The following BMP5 variants were observed in gnomAD, a reference collection of about 807,000 sequenced individuals.
BMP5 encodes the protein bone morphogenetic protein 5.
A neutral mutation model predicts 46.6 loss-of-function variants in BMP5; 23 were observed. The observed-to-expected ratio is 0.49, with a 90% CI of 0.35 to 0.70. The LOEUF is 0.70. Ranked by LOEUF, BMP5 falls within the 30% of genes least tolerant of loss-of-function variation. The pLI, the probability that BMP5 is intolerant of heterozygous loss-of-function variation, is 0.00. For synonymous variants in BMP5, 204 were observed against 191.9 expected (o/e 1.06, Z -0.52); for missense variants, 545 against 565.6 (o/e 0.96, Z 0.37).
intron 2 of BMP5, 98 bp from the exon 3 acceptor site, chr6:55,794,525 T>C: frequency 8.5e-7 from 1 of 1,169,670 alleles, no homozygotes. Flanking sequence ...GTTTGTAAAA[T>C]AACAGCAGTT....
intron 1 of BMP5, among the ~76,000 whole-genome samples, chr6:55,867,404 C>G (rs1262822489): frequency 6.6e-6 from 1 of 152,148 alleles, no homozygotes; most frequent in South Asian, 2.1e-4. Flanking sequence ...CAAAACAAAA[C>G]AAAACCTCTG....
At chr6:55,777,441 C>T (rs1775204077) in intron 3 of BMP5, among the ~76,000 whole-genome samples, 2 of 151,860 alleles carry the variant, frequency 1.3e-5, no homozygotes, top group South Asian at 4.1e-4. Flanking sequence ...ATTTAATTTT[C>T]AAAGCTGATT....
At position 55,794,259 on chromosome 6, in the gene BMP5, A is replaced by G. The variant is rs1775651556; in HGVS notation, c.832+20T>C. On this transcript the variant is annotated intron_variant, in intron 3 of 6. Coordinates refer to ENST00000370830, the MANE Select transcript of BMP5 (RefSeq NM_021073.4). ...TGTCAAACAAGCTTCACAAAAAAAT[A>G]TATAAAATTCAGTGCTTACCATCCC... 1.2e-6 allele frequency: 2 copies of G among 1,613,482 alleles called. No individual in the cohort carries two copies. Among genetic ancestry groups the G allele is most frequent in the African/African-American group, 1.3e-5 (1 of 74,916 alleles).
intron 4 of BMP5, among the ~76,000 whole-genome samples, chr6:55,762,398 T>A (rs1278673770): frequency 2.0e-5 from 3 of 152,154 alleles, no homozygotes; most frequent in African/African-American, 7.2e-5. Flanking sequence ...AGTAATTATT[T>A]GTTTAATGTT....
chr6:55,858,001 G>C (rs1409137196), intron 1 of BMP5, among the ~76,000 whole-genome samples: 1 of 152,156 alleles, frequency 6.6e-6, no homozygotes, highest in East Asian at 1.9e-4. Context: ...GCCTCCCAAA[G>C]TGCTGGGATG....
intron 1 of BMP5, among the ~76,000 whole-genome samples, chr6:55,846,476 T>C (rs1037236099): frequency 6.6e-6 from 1 of 152,006 alleles, no homozygotes; most frequent in Admixed American, 6.6e-5. Context: ...CGTTACTTAA[T>C]ACCCTCATTT....
intron 2 of BMP5, among the ~76,000 whole-genome samples, chr6:55,798,463 A>G (rs1247137180): frequency 6.6e-6 from 1 of 152,206 alleles, no homozygotes; most frequent in African/African-American, 2.4e-5. Context: ...AATTTATATT[A>G]ATAGAAATCA....
chr6:55,767,534 G>A (rs1774943353), intron 4 of BMP5, among the ~76,000 whole-genome samples: 1 of 151,904 alleles, frequency 6.6e-6, no homozygotes, highest in Non-Finnish European at 1.5e-5. Context: ...AGTAAGTAGT[G>A]AAGTCAGTAT....
chr6:55,840,656 G>A (rs1228858479), intron 1 of BMP5, among the ~76,000 whole-genome samples: 1 of 152,020 alleles, frequency 6.6e-6, no homozygotes, highest in African/African-American at 2.4e-5. Flanking sequence ...TCCTACAAAA[G>A]TATGGATTTT....
At chr6:55,864,521 C>T (rs909121995) in intron 1 of BMP5, among the ~76,000 whole-genome samples, 1 of 152,028 alleles carries the variant, frequency 6.6e-6, no homozygotes, top group Non-Finnish European at 1.5e-5. Flanking sequence ...AGACACTCAT[C>T]GAATGGGCTG....
chr6:55,826,826 A>G (rs1354613040), intron 1 of BMP5, among the ~76,000 whole-genome samples: 1 of 151,786 alleles, frequency 6.6e-6, no homozygotes, highest in Non-Finnish European at 1.5e-5. Flanking sequence ...CATGGTACAG[A>G]TAAACAATAT....
At chr6:55,804,610 TAAG>T (rs1305579541) in intron 2 of BMP5, among the ~76,000 whole-genome samples, 1 of 151,964 alleles carries the variant, frequency 6.6e-6, no homozygotes, top group Admixed American at 6.6e-5. Context: ...CTGAGGAGAA[TAAG>T]AAGAAAGAAA....
intron 1 of BMP5, among the ~76,000 whole-genome samples, chr6:55,845,745 C>G (rs1777082784): frequency 1.3e-5 from 2 of 152,016 alleles, no homozygotes; most frequent in South Asian, 4.1e-4. Context: ...GGAGGTTACA[C>G]CATGAACCCC....
chr6:55,757,845 G>A (rs1425714231), intron 6 of BMP5, among the ~76,000 whole-genome samples: 3 of 151,838 alleles, frequency 2.0e-5, no homozygotes, highest in Non-Finnish European at 2.9e-5. Flanking sequence ...GTTATAGATT[G>A]CACTTTTTGG....
At chr6:55,841,349 A>G (rs1162199344) in intron 1 of BMP5, among the ~76,000 whole-genome samples, 1 of 152,180 alleles carries the variant, frequency 6.6e-6, no homozygotes, top group Non-Finnish European at 1.5e-5. Flanking sequence ...AAAACACTGA[A>G]CAGAATCTCA....
At chr6:55,780,761 A>G (rs934902981) in intron 3 of BMP5, among the ~76,000 whole-genome samples, 9 of 152,060 alleles carry the variant, frequency 5.9e-5, no homozygotes, top group African/African-American at 2.2e-4. Context: ...CAAACCCTTG[A>G]GAACCCAAGC....
intron 1 of BMP5, among the ~76,000 whole-genome samples, chr6:55,841,916 C>CAGACAGAG (rs1554185304): frequency 6.8e-6 from 1 of 146,844 alleles, no homozygotes; most frequent in Non-Finnish European, 1.5e-5. Flanking sequence ...GAGAGAGAGA[C>CAGACAGAG]AGAGAGAGAG....
intron 2 of BMP5, among the ~76,000 whole-genome samples, chr6:55,809,641 A>G (rs1776074256): frequency 6.6e-6 from 1 of 152,038 alleles, no homozygotes; most frequent in Admixed American, 6.6e-5. Context: ...GGAGAGAGAA[A>G]GAGAGAGAAA....
At chr6:55,812,213 C>A (rs1194831501) in intron 2 of BMP5, among the ~76,000 whole-genome samples, 2 of 152,148 alleles carry the variant, frequency 1.3e-5, no homozygotes, top group East Asian at 3.8e-4. Flanking sequence ...AGTGTGTTAA[C>A]TTTTTACCAA....
Sources: gnomAD v4.1 joint callset for allele counts (sites outside exome capture counted in the v4.1 genomes callset) on GRCh38, gnomAD v4.1.1 for gene constraint, MANE v1.5 for transcripts, NCBI Gene and HGNC (gene_info 2026-07-23, HGNC 2026-07-21) for gene names.